Variants in RPRD2 observed in about 807,000 individuals in gnomAD.
RPRD2 encodes the protein regulation of nuclear pre-mRNA domain-containing protein 2.
In RPRD2, 12 loss-of-function variants were observed where a neutral mutation model predicts 104.4. The observed-to-expected ratio is 0.11, with a 90% CI of 0.07 to 0.19. The LOEUF (loss-of-function observed/expected upper bound fraction) is 0.19, where lower values mean the gene tolerates loss of function less well. RPRD2 is among the 10% of genes least tolerant of loss of function. The probability of loss-of-function intolerance (pLI) is 1.00; values close to 1 mark genes in which losing one functional copy is unlikely to be tolerated. For missense variants in RPRD2, 1,543 were observed against 1,790.1 expected, an observed-to-expected ratio of 0.86 and a Z score of 2.49; for synonymous variants, 714 against 684.9, an observed-to-expected ratio of 1.04 and a Z score of -0.66.
rs1456259184 is a variant in RPRD2 at position 150,472,478 on chromosome 1, G to A, written c.3530G>A (p.Ser1177Asn). ...GAACGGGCACCTCAATTTCAGGAGA[G>A]TGTCGGCAGCTTTCGTTCCAACAGT... ...YKERAPQFQE[S>N]VGSFRSNSFN... Residue 1177 changes from serine (S) to asparagine (N), a missense_variant, in exon 11 of 11, where the codon AGT (serine) becomes AAT (asparagine). This residue lies in a region of RPRD2 where 880 missense variants were observed against 885.6 expected (regional missense o/e 0.99). Transcript: ENST00000369068. 1.9e-6 allele frequency: 3 copies of A among 1,613,886 alleles called. No individual in the cohort carries two copies. The highest frequency in any genetic ancestry group is 2.5e-6 in the Non-Finnish European group (3 of 1,179,894).
intron 2 of RPRD2, among the ~76,000 whole-genome samples, chr1:150,417,955 T>C (rs587733343): frequency 6.6e-6 from 1 of 151,626 alleles, no homozygotes; most frequent in African/African-American, 2.4e-5. Flanking sequence ...TTCCTTTCCT[T>C]CCTTTCTTTT....
chr1:150,386,915 A>G (rs1553881932), intron 1 of RPRD2, among the ~76,000 whole-genome samples: 2 of 152,142 alleles, frequency 1.3e-5, no homozygotes, highest in Non-Finnish European at 1.5e-5. Context: ...AATTTTTATG[A>G]TTGTTTACAT....
At chr1:150,404,882 C>G (rs1271531947) in intron 1 of RPRD2, among the ~76,000 whole-genome samples, 1 of 152,226 alleles carries the variant, frequency 6.6e-6, no homozygotes, top group Non-Finnish European at 1.5e-5. Flanking sequence ...GTGCATGTCT[C>G]TCCATTATTA....
chr1:150,391,627 G>T (rs1460006602), intron 1 of RPRD2, among the ~76,000 whole-genome samples: 1 of 152,250 alleles, frequency 6.6e-6, no homozygotes, highest in African/African-American at 2.4e-5. Context: ...GCCAGGACAG[G>T]CCGGGATCAG....
intron 1 of RPRD2, among the ~76,000 whole-genome samples, chr1:150,388,349 CACAT>C (rs200265285): frequency 0.011 from 1,262 of 113,132 alleles, 26 homozygotes; most frequent in African/African-American, 0.036. Context: ...TATATACACA[CACAT>C]ATACATATAT....
chr1:150,415,910 T>G (rs1208496887), intron 1 of RPRD2, among the ~76,000 whole-genome samples: 5 of 152,156 alleles, frequency 3.3e-5, no homozygotes, highest in African/African-American at 1.2e-4. Flanking sequence ...AAACAGCATA[T>G]AAGCTTATCT....
chr1:150,364,659 C>G lies in RPRD2; in HGVS notation c.-56C>G. ...GCAGTGATTGTTTTGCCCGCTCCCG[C>G]CGCCGCCGCCGCCGCCGCCGCCAGA... is the stretch of plus-strand genomic sequence containing the variant. On this transcript the variant is annotated 5_prime_UTR_variant, in exon 1 of 11. Coordinates refer to ENST00000369068, the MANE Select transcript of RPRD2 (RefSeq NM_015203.5). The G allele has an allele frequency of 1.1e-6, 1 of 950,598 alleles. No individual in the cohort carries two copies. The highest frequency in any genetic ancestry group is 1.6e-6 in the Non-Finnish European group (1 of 637,702). 58.9% of individuals were successfully genotyped at this position (950,598 alleles called of 1,614,324 possible).
intron 6 of RPRD2, among the ~76,000 whole-genome samples, chr1:150,444,892 G>A (rs782427521): frequency 3.9e-5 from 6 of 152,122 alleles, no homozygotes; most frequent in Non-Finnish European, 7.3e-5. Flanking sequence ...TTATTCCTGT[G>A]CCGTACTTTA....
Position 150,393,483 on chromosome 1 carries a change from A to T in RPRD2, c.206-24113A>T, listed in dbSNP as rs151257471. Among the ~76,000 whole-genome samples, 353 of 150,812 alleles carry T rather than the reference A, an allele frequency of 2.3e-3. 2 individuals carry two copies. Among genetic ancestry groups the T allele is most frequent in the African/African-American group, 8.2e-3 (337 of 40,856 alleles). ...AAAAAAAAAAAAAAAAAAAACCAATAAAAAAAACATTGGGTGAAAGACTGT... is the reference window on the plus strand; with the variant it reads ...AAAAAAAAAAAAAAAAAAAACCAATTAAAAAAACATTGGGTGAAAGACTGT... On this transcript the variant is annotated intron_variant, in intron 1 of 10. Coordinates refer to ENST00000369068, the MANE Select transcript of RPRD2 (RefSeq NM_015203.5).
chr1:150,419,754 C>G (rs916351764), intron 2 of RPRD2, among the ~76,000 whole-genome samples: 1 of 152,134 alleles, frequency 6.6e-6, no homozygotes, highest in Non-Finnish European at 1.5e-5. Flanking sequence ...CTCAGCCTCC[C>G]GAGTAGCCAG....
At chr1:150,440,356 C>G (rs1666334108) in intron 2 of RPRD2, among the ~76,000 whole-genome samples, 1 of 152,226 alleles carries the variant, frequency 6.6e-6, no homozygotes, top group Non-Finnish European at 1.5e-5. Context: ...GCGTGAGCCA[C>G]TGTGCCCAGC....
At position 150,457,568 on chromosome 1, in the gene RPRD2, T is replaced by C; in HGVS notation, c.1151T>C (p.Ile384Thr). 2 of 1,613,566 alleles carry C rather than the reference T, an allele frequency of 1.2e-6. No homozygotes were observed. The highest frequency in any genetic ancestry group is 1.7e-6 in the Non-Finnish European group (2 of 1,179,484). The change falls in exon 8 of 11, where the codon ATT becomes ACT. Residue 384 changes from isoleucine to threonine, a missense_variant and splice_region_variant. Ile to Thr is a moderately conservative substitution (Grantham distance 89, BLOSUM62 -1). Coordinates refer to ENST00000369068, the MANE Select transcript of RPRD2 (RefSeq NM_015203.5). Reference sequence around the variant, plus strand: ...GTGGAAGATGATGGGTCAAAAATCATTGGTATGTCTTTATGTGATTAATAG... The same window carrying C: ...GTGGAAGATGATGGGTCAAAAATCACTGGTATGTCTTTATGTGATTAATAG... The part of the protein sequence containing the change: ...SDVEDDGSKI[I>T]VEDRKEKPAE...
chr1:150,385,158 A>T (rs587720540), intron 1 of RPRD2, among the ~76,000 whole-genome samples: 5 of 152,330 alleles, frequency 3.3e-5, no homozygotes, highest in Admixed American at 3.3e-4. Context: ...TGAAATTCAT[A>T]AAATTGAAAT....
intron 1 of RPRD2, among the ~76,000 whole-genome samples, chr1:150,374,546 T>C (rs1338160212): frequency 1.3e-5 from 2 of 152,152 alleles, no homozygotes; most frequent in Admixed American, 6.5e-5. Context: ...GGGGGCAGTC[T>C]TGTGAGACTG....
intron 1 of RPRD2, among the ~76,000 whole-genome samples, chr1:150,366,484 A>G (rs2102064020): frequency 6.6e-6 from 1 of 152,356 alleles, no homozygotes; most frequent in Middle Eastern, 3.4e-3. Flanking sequence ...CAGAGGTAAA[A>G]TTATAACGTG....
chr1:150,436,300 T>C (rs1428891429), intron 2 of RPRD2, among the ~76,000 whole-genome samples: 8 of 152,204 alleles, frequency 5.3e-5, no homozygotes, highest in African/African-American at 1.9e-4. Flanking sequence ...TCAATTCTTG[T>C]TGTTTAAGAA....
At chr1:150,462,713 G>GC (rs1570790698) in intron 9 of RPRD2, among the ~76,000 whole-genome samples, 1 of 151,928 alleles carries the variant, frequency 6.6e-6, no homozygotes, top group East Asian at 2.0e-4. Flanking sequence ...CTGCCACCAC[G>GC]CCCAGCTAAT....
rs938037571 is a variant in RPRD2 at position 150,472,846 on chromosome 1, G to A, written c.3898G>A (p.Asp1300Asn). The change falls in exon 11 of 11, where the codon GAC becomes AAC. Residue 1300 changes from aspartate to asparagine, a missense_variant. Physicochemically the swap from Asp to Asn is conservative, Grantham distance 23. Around this residue, in one of 4 missense-constraint regions of RPRD2, gnomAD observed 880 missense variants for 885.6 expected, o/e 0.99. Transcript: ENST00000369068. ...TCCACCCCCTCCTCCACCCCCTGTT[G>A]ACCACTCTGGAGTTGTACCCTTCCC... Reference protein sequence around the residue: ...STPPPPPPPVDHSGVVPFPAP... With the variant: ...STPPPPPPPVNHSGVVPFPAP... The A allele has an allele frequency of 2.5e-6, 4 of 1,612,450 alleles. No individual in the cohort carries two copies. The highest frequency in any genetic ancestry group is 3.4e-6 in the Non-Finnish European group (4 of 1,179,178).
chr1:150,421,770 AG>A (rs1248470870), intron 2 of RPRD2, among the ~76,000 whole-genome samples: 1 of 152,006 alleles, frequency 6.6e-6, no homozygotes. Context: ...TGAGGCCAGG[AG>A]TTTGAGACCA....
Sources: allele counts gnomAD v4.1 joint callset (sites outside exome capture counted in the v4.1 genomes callset), GRCh38; gene constraint gnomAD v4.1.1; regional missense constraint gnomAD v4.1.1; transcripts MANE v1.5; gene names NCBI Gene and HGNC (gene_info 2026-07-23, HGNC 2026-07-21).